The following CR1 variants were observed in gnomAD, a reference collection of about 807,000 sequenced individuals.
The protein encoded by CR1 is complement C3b/C4b receptor 1 (Knops blood group), also known as complement receptor type 1.
Under a neutral mutation model 187.3 loss-of-function variants are expected in CR1, and 116 were observed. The ratio of observed to expected loss-of-function variants is 0.62; its 90% CI spans 0.53 to 0.72. CR1 has a LOEUF of 0.72. Among genes scored for constraint, CR1 ranks in the 30% least tolerant of loss-of-function variants. The pLI is 0.00. For missense variants in CR1, 1,731 were observed against 2,110.7 expected, an observed-to-expected ratio of 0.82 and a Z score of 3.52; for synonymous variants, 576 against 747.1, an observed-to-expected ratio of 0.77 and a Z score of 3.73.
intron 4 of CR1, among the ~76,000 whole-genome samples, chr1:207,515,941 G>C (rs1418138169): frequency 6.6e-6 from 1 of 152,156 alleles, no homozygotes; most frequent in Non-Finnish European, 1.5e-5. Context: ...TGGGCCAAGT[G>C]AGGTGGCTCA....
At chr1:207,512,166 A>G (rs1659644852) in intron 4 of CR1, among the ~76,000 whole-genome samples, 1 of 152,248 alleles carries the variant, frequency 6.6e-6, no homozygotes, top group Admixed American at 6.5e-5. Flanking sequence ...GTAGTTTGGT[A>G]TAAACTTTTC....
intron 35 of CR1, chr1:207,600,919 A>G (rs186159345): frequency 6.6e-6 from 1 of 152,292 alleles, no homozygotes; most frequent in East Asian, 1.9e-4. Context: ...TATATTACTC[A>G]TAAAAATTTC....
At chr1:207,611,506 CT>C (rs1399060463) in intron 37 of CR1, among the ~76,000 whole-genome samples, 170 bp from the exon 38 acceptor site, 1 of 152,166 alleles carries the variant, frequency 6.6e-6, no homozygotes, top group Non-Finnish European at 1.5e-5. Context: ...CACAGTTCTG[CT>C]TGGTTTCCTT....
intron 45 of CR1, among the ~76,000 whole-genome samples, chr1:207,626,160 T>C (rs1662472830): frequency 1.3e-5 from 2 of 152,220 alleles, no homozygotes; most frequent in African/African-American, 4.8e-5. Context: ...AGAAGCAAGA[T>C]GAAGTCAGCC....
intron 4 of CR1, among the ~76,000 whole-genome samples, chr1:207,516,496 T>C (rs1012029278): frequency 2.0e-5 from 3 of 152,348 alleles, no homozygotes. Context: ...CATTACCATA[T>C]AAAATTTAGA....
chr1:207,568,246 G>C (rs1660569930), intron 25 of CR1, among the ~76,000 whole-genome samples: 1 of 144,566 alleles, frequency 6.9e-6, no homozygotes, highest in Non-Finnish European at 1.5e-5. Context: ...TGAAAAAAGA[G>C]GGAGGCGGTG....
intron 46 of CR1, among the ~76,000 whole-genome samples, chr1:207,633,679 C>G (rs12040111): frequency 1.3e-5 from 2 of 152,136 alleles, no homozygotes; most frequent in East Asian, 3.8e-4. Flanking sequence ...AAAGATCTCC[C>G]CAATCTCTGA....
At chr1:207,496,465 G>A (rs1659089381) in intron 1 of CR1, 77 bp downstream of exon 1, 5 of 1,416,578 alleles carry the variant, frequency 3.5e-6, no homozygotes, top group South Asian at 2.7e-5. Flanking sequence ...CGCGTGCAGC[G>A]CTGAGCTGCG....
chr1:207,616,525 C>A, intron 40 of CR1, 50 bp from the exon 41 acceptor site: 1 of 1,581,120 alleles, frequency 6.3e-7, no homozygotes, highest in South Asian at 1.1e-5. Context: ...TTGTTTCAGT[C>A]ATCTTAAGTG....
rs562840898 is a variant in CR1 at position 207,595,958 on chromosome 1, C to T, written c.5810+7184C>T. ...TTAGAGATGAAGTAAGAAAAACCAT[C>T]ATAAACTTATCATATGTAGGGGACA... is the stretch of plus-strand genomic sequence containing the variant. On this transcript the variant is annotated intron_variant, in intron 35 of 46. Coordinates refer to ENST00000367049, the MANE Select transcript of CR1 (RefSeq NM_000651.6). Among the ~76,000 whole-genome samples the T allele has an allele frequency of 4.0e-5, 6 of 150,388 alleles. No individual in the cohort carries two copies. In the South Asian group the frequency reaches 1.3e-3, roughly 31 times the overall value.
At chr1:207,567,311 G>C (rs967077731) in intron 24 of CR1, among the ~76,000 whole-genome samples, 1 of 143,792 alleles carries the variant, frequency 7.0e-6, no homozygotes, top group Non-Finnish European at 1.5e-5. Context: ...TCAATTCACT[G>C]TGACAGGGCT....
At chr1:207,626,279 C>T (rs1438598610) in intron 45 of CR1, among the ~76,000 whole-genome samples, 1 of 152,158 alleles carries the variant, frequency 6.6e-6, no homozygotes, top group Non-Finnish European at 1.5e-5. Flanking sequence ...TAACACATAG[C>T]TAAAACTGGG....
chr1:207,594,520 G>A (rs1661370622), intron 35 of CR1, among the ~76,000 whole-genome samples: 1 of 152,076 alleles, frequency 6.6e-6, no homozygotes, highest in Admixed American at 6.6e-5. Context: ...GGTTGATGGT[G>A]CAGCAAACCA....
intron 24 of CR1, among the ~76,000 whole-genome samples, chr1:207,566,220 T>A (rs986682729): frequency 1.3e-5 from 2 of 150,108 alleles, no homozygotes; most frequent in African/African-American, 5.1e-5. Context: ...TCTTTCTTTC[T>A]CTAGTTTTTT....
intron 46 of CR1, among the ~76,000 whole-genome samples, chr1:207,631,220 A>G (rs1662637040): frequency 6.6e-6 from 1 of 152,334 alleles, no homozygotes; most frequent in African/African-American, 2.4e-5. Context: ...GGGAAATTAT[A>G]CCATTATCAA....
At chr1:207,625,544 A>G (rs1213217536) in intron 45 of CR1, among the ~76,000 whole-genome samples, 1 of 152,252 alleles carries the variant, frequency 6.6e-6, no homozygotes, top group African/African-American at 2.4e-5. Context: ...CAGTTCCCTG[A>G]GATAATGGCA....
intron 5 of CR1, among the ~76,000 whole-genome samples, chr1:207,526,250 A>C (rs945298478): frequency 6.6e-6 from 1 of 152,018 alleles, no homozygotes; most frequent in Non-Finnish European, 1.5e-5. Context: ...CTGAGAGAAG[A>C]CTTGAAAGGA....
chr1:207,518,618 C>T (rs1388698856), intron 4 of CR1, among the ~76,000 whole-genome samples: 7 of 152,214 alleles, frequency 4.6e-5, no homozygotes, highest in East Asian at 1.9e-4. Flanking sequence ...GTGCCTCTCT[C>T]CAGGCTTCCT....
At chr1:207,508,822 T>A (rs753038637) in intron 3 of CR1, among the ~76,000 whole-genome samples, 11 of 152,154 alleles carry the variant, frequency 7.2e-5, no homozygotes, top group African/African-American at 1.4e-4. Flanking sequence ...TTCCTTGGAA[T>A]GTAGCAATCT....
Sources: gnomAD v4.1 joint callset for allele counts (sites outside exome capture counted in the v4.1 genomes callset) on GRCh38, gnomAD v4.1.1 for gene constraint, MANE v1.5 for transcripts, NCBI Gene and HGNC (gene_info 2026-07-23, HGNC 2026-07-21) for gene names.